The following CPZ variants were observed in gnomAD, a reference collection of about 807,000 sequenced individuals.
CPZ encodes carboxypeptidase Z, also known as VEZT/CPZ fusion.
A neutral mutation model predicts 61.8 loss-of-function variants in CPZ; 103 were observed. The observed-to-expected ratio is 1.67, with a 90% confidence interval of 1.42 to 1.96. The LOEUF is 1.96. CPZ is among the 30% of genes most tolerant of loss of function. The pLI is 0.00. For synonymous variants in CPZ, 551 were observed against 373.7 expected (o/e 1.47, Z -5.47); for missense variants, 1,461 against 914.9 (o/e 1.60, Z -7.70).
intron 9 of CPZ, 66 bp from the exon 10 acceptor site, chr4:8,618,363 C>T: frequency 6.7e-7 from 1 of 1,498,726 alleles, no homozygotes; most frequent in East Asian, 2.3e-5. Flanking sequence ...GGGGAACGAG[C>T]TGACGGCCTC....
At chr4:8,609,792 G>A (rs780687740) in intron 7 of CPZ, among the ~76,000 whole-genome samples, 4 of 152,228 alleles carry the variant, frequency 2.6e-5, no homozygotes, top group South Asian at 2.1e-4. Flanking sequence ...ATCAATCATC[G>A]GGCAGTGATC....
chr4:8,596,638 C>T (rs1445693749), intron 1 of CPZ, among the ~76,000 whole-genome samples: 1 of 152,254 alleles, frequency 6.6e-6, no homozygotes, highest in African/African-American at 2.4e-5. Context: ...CCTCCAACAG[C>T]CCTATGAGGT....
chr4:8,605,346 C>CCATCCATCCATCCATT (rs778832648), intron 4 of CPZ, among the ~76,000 whole-genome samples: 9 of 144,646 alleles, frequency 6.2e-5, no homozygotes, highest in African/African-American at 1.1e-4. Context: ...ATCCATCCAT[C>CCATCCATCCATCCATT]CATTTATTCA....
rs1221290045 is a variant in CPZ, at chr4:8,615,523, G to A, written c.1503+1025G>A. 2.6e-5 allele frequency among the ~76,000 whole-genome samples: 4 copies of A among 152,378 alleles called. No individual in the cohort carries two copies. The East Asian group carries it at 5.8e-4, about 22-fold the overall frequency. On this transcript the variant is annotated intron_variant, in intron 9 of 10. Coordinates refer to ENST00000360986, the MANE Select transcript of CPZ (RefSeq NM_001014447.3). ...TTGAGCTGCAGCAGCAAGGAGAGGTGAGGGCGCAGCACCGTACAGTTGGCG... is the reference window on the plus strand; with the variant it reads ...TTGAGCTGCAGCAGCAAGGAGAGGTAAGGGCGCAGCACCGTACAGTTGGCG...
At chr4:8,609,130 A>AGCCATTCACTCACTCACTT (rs1715350593) in intron 7 of CPZ, among the ~76,000 whole-genome samples, 1 of 116,026 alleles carries the variant, frequency 8.6e-6, no homozygotes, top group African/African-American at 3.3e-5. Flanking sequence ...TCACTCATTC[A>AGCCATTCACTCACTCACTT]CTCATTTACT....
At chr4:8,607,241 AG>A in intron 6 of CPZ, 25 bp from the exon 7 acceptor site, 5 of 1,609,796 alleles carry the variant, frequency 3.1e-6, no homozygotes, top group Non-Finnish European at 4.2e-6. Flanking sequence ...CCCAGCCCTG[AG>A]GGCGGCCTCG....
chr4:8,609,642 G>T (rs1338473763), intron 7 of CPZ, among the ~76,000 whole-genome samples: 3 of 151,720 alleles, frequency 2.0e-5, no homozygotes, highest in African/African-American at 4.9e-5. Flanking sequence ...CTCAGAGCTG[G>T]CAGGGCAGGG....
rs776364810 is a variant in CPZ, at chr4:8,606,776, G to A, written c.946G>A (p.Ala316Thr). The change falls in exon 6 of 11, where the codon GCG (alanine) becomes ACG (threonine). Residue 316 changes from alanine (A) to threonine (T), a missense_variant. Coordinates refer to ENST00000360986, the MANE Select transcript of CPZ (RefSeq NM_001014447.3). ...YNGWTSGRQN[A>T]QNLDLNRNFP... The stretch of plus-strand genomic sequence containing the variant: ...CGGGTGGACGAGCGGGAGGCAGAAC[G>A]CGCAGAACCTGGATCTGAACCGAAA... The A allele has an allele frequency of 5.6e-6, 9 of 1,614,046 alleles. No homozygotes were observed. Among genetic ancestry groups the A allele is most frequent in the East Asian group, 4.5e-5 (2 of 44,894 alleles).
chr4:8,614,186 C>A, intron 8 of CPZ, among the ~76,000 whole-genome samples, 173 bp from the exon 9 acceptor site: 1 of 152,248 alleles, frequency 6.6e-6, no homozygotes, highest in East Asian at 1.9e-4. Flanking sequence ...TGGCGAGTAC[C>A]TGCTGCACTC....
intron 9 of CPZ, 104 bp downstream of exon 9, chr4:8,614,602 C>G (rs1716008009): frequency 2.5e-6 from 3 of 1,199,272 alleles, no homozygotes; most frequent in Non-Finnish European, 3.5e-6. Flanking sequence ...GCCCCATACA[C>G]ACATGCTCCT....
Position 8,603,966 on chromosome 4 carries a change from G to T in CPZ, c.497-10G>T. 6.2e-7 allele frequency: 1 copy of T among 1,611,278 alleles called. No individual in the cohort carries two copies. The highest frequency in any genetic ancestry group is 8.5e-7 in the Non-Finnish European group (1 of 1,179,380). On this transcript the variant is annotated splice_polypyrimidine_tract_variant and intron_variant, in intron 3 of 10. Transcript: ENST00000360986. ...CTGACACTGACTGAGCCCCCCCACT[G>T]CTCCCCCAGGAGGCCTGGAGGCTGA...
At position 8,607,056 on chromosome 4, in the gene CPZ, TG is replaced by T. The variant is rs569268344; in HGVS notation, c.1068+162del. 2.0e-5 allele frequency among the ~76,000 whole-genome samples: 3 copies of T among 152,294 alleles called. No individual in the cohort carries two copies. The South Asian group carries it at 6.2e-4, about 32-fold the overall frequency. ...CTGTGAAATGGGAACACCTCCTTGC[TG>T]GGGTGTTGGTGAGATTCAGAGATTC... is the stretch of plus-strand genomic sequence containing the variant. On this transcript the variant is annotated intron_variant, in intron 6 of 10. Transcript: ENST00000360986.
chr4:8,611,397 A>C, intron 7 of CPZ: 1 of 424,640 alleles, frequency 2.4e-6, no homozygotes, highest in Non-Finnish European at 4.9e-6. Flanking sequence ...GGGACCCAGG[A>C]TCCCAGCCAC....
chr4:8,606,646 C>T, intron 5 of CPZ, 91 bp from the exon 6 acceptor site: 1 of 1,528,052 alleles, frequency 6.5e-7, no homozygotes, highest in Non-Finnish European at 9.0e-7. Flanking sequence ...CAGCCCCTGG[C>T]CTTGACCCTC....
At chr4:8,599,585 G>A in intron 2 of CPZ, 100 bp downstream of exon 2, 1 of 1,563,550 alleles carries the variant, frequency 6.4e-7, no homozygotes. Context: ...TTTCAGAAGT[G>A]GGTAATGGAT....
chr4:8,601,495 G>A lies in CPZ; in HGVS notation c.494G>A (p.Arg165Gln), dbSNP rs755709351. 50 of 1,470,864 alleles carry A rather than the reference G, an allele frequency of 3.4e-5. No individual in the cohort carries two copies. The highest frequency in any genetic ancestry group is 4.1e-5 in the Non-Finnish European group (46 of 1,109,866). 91.1% of individuals were successfully genotyped at this position (1,470,864 alleles called of 1,614,324 possible). ...EGCYDPLEKLRGGLEADEALP... is the reference protein window; with the variant it reads ...EGCYDPLEKLQGGLEADEALP... ...TGCTATGACCCGCTGGAGAAGCTTCGGGGTAAGGGAAAGTGGCGGGGGCCT... is the reference window on the plus strand; with the variant it reads ...TGCTATGACCCGCTGGAGAAGCTTCAGGGTAAGGGAAAGTGGCGGGGGCCT... Residue 165 changes from arginine to glutamine, a missense_variant and splice_region_variant, in exon 3 of 11, where the codon CGG becomes CAG. Physicochemically the swap from Arg to Gln is conservative, Grantham distance 43. Coordinates refer to ENST00000360986, the MANE Select transcript of CPZ (RefSeq NM_001014447.3).
rs1173548097 is a variant in CPZ, at chr4:8,606,113, C to T, written c.834C>T (p.Arg278=). 5.0e-6 allele frequency: 8 copies of T among 1,614,064 alleles called. No homozygotes were observed. The highest frequency in any genetic ancestry group is 6.8e-6 in the Non-Finnish European group (8 of 1,180,038). The change falls in exon 5 of 11, where the codon CGC becomes CGT. Residue 278 remains arginine, a synonymous_variant. Transcript: ENST00000360986. ...EYLLGNPRIQ[R]LLNTTRIHLL... ...TGCTTGGTAACCCCCGCATCCAGCG[C>T]CTGCTCAACACCACCCGCATCCACC...
rs566706673 is a variant in CPZ at position 8,609,182 on chromosome 4, A to G, written c.1227+1757A>G. On this transcript the variant is annotated intron_variant, in intron 7 of 10. Coordinates refer to ENST00000360986, the MANE Select transcript of CPZ (RefSeq NM_001014447.3). ...CACTCATTCACTCACCCATTCACTC[A>G]GGCATTCACTCACTCCCTCACTCAC... Among the ~76,000 whole-genome samples the G allele has an allele frequency of 5.0e-5, 5 of 100,382 alleles. No homozygotes were observed. In the South Asian group the frequency reaches 2.0e-3, roughly 39 times the overall value. The allele number at this position is 100,382 out of a possible 152,430, so 65.9% of individuals were successfully genotyped here.
chr4:8,608,148 C>A (rs964748354), intron 7 of CPZ, among the ~76,000 whole-genome samples: 3 of 148,180 alleles, frequency 2.0e-5, no homozygotes, highest in Non-Finnish European at 4.4e-5. Flanking sequence ...AGCCCCCAGC[C>A]CCCAGCCCCC....
Sources: gnomAD v4.1 joint callset for allele counts (sites outside exome capture counted in the v4.1 genomes callset) on GRCh38, gnomAD v4.1.1 for gene constraint, MANE v1.5 for transcripts, NCBI Gene and HGNC (gene_info 2026-07-23, HGNC 2026-07-21) for gene names.